The following ZFAND3 variants were observed in gnomAD, a reference collection of about 807,000 sequenced individuals.
ZFAND3 encodes zinc finger AN1-type containing 3.
Under a neutral mutation model 29.6 loss-of-function variants are expected in ZFAND3, and 10 were observed. That is an observed-to-expected ratio of 0.34 (90% CI 0.21 to 0.57). The LOEUF is 0.57. Ranked by LOEUF, ZFAND3 falls within the 20% of genes least tolerant of loss-of-function variation. The probability of loss-of-function intolerance (pLI) is 0.86; values close to 1 mark genes in which losing one functional copy is unlikely to be tolerated. For synonymous variants in ZFAND3, 128 were observed against 112.6 expected, an observed-to-expected ratio of 1.14 and a Z score of -0.87; for missense variants, 230 against 304.5, an observed-to-expected ratio of 0.76 and a Z score of 1.82.
intron 1 of ZFAND3, among the ~76,000 whole-genome samples, chr6:37,859,949 G>A (rs1242993378): frequency 2.1e-5 from 3 of 146,080 alleles, no homozygotes; most frequent in Non-Finnish European, 4.5e-5. Context: ...TCGGCTCACT[G>A]CAACCACCAC....
At chr6:38,145,770 G>T (rs1040044785) in intron 5 of ZFAND3, among the ~76,000 whole-genome samples, 25 of 152,268 alleles carry the variant, frequency 1.6e-4, no homozygotes, top group South Asian at 4.1e-4. Flanking sequence ...GGTCATTAGG[G>T]CCATAGGCCC....
chr6:37,924,741 A>G (rs1004161394), intron 1 of ZFAND3, among the ~76,000 whole-genome samples: 7 of 151,958 alleles, frequency 4.6e-5, no homozygotes, highest in East Asian at 3.9e-4. Flanking sequence ...GGATGGCTTG[A>G]GCCTAGGAGG....
intron 1 of ZFAND3, among the ~76,000 whole-genome samples, chr6:37,921,769 GGT>G (rs1222787092): frequency 6.6e-6 from 1 of 152,070 alleles, no homozygotes; most frequent in Non-Finnish European, 1.5e-5. Flanking sequence ...GTGTTGGCCA[GGT>G]GCAGTGGCTC....
intron 1 of ZFAND3, among the ~76,000 whole-genome samples, chr6:37,846,859 A>G (rs1764189076): frequency 6.6e-6 from 1 of 151,808 alleles, no homozygotes; most frequent in African/African-American, 2.4e-5. Context: ...CTACAGGCGC[A>G]TGCCACCATG....
At chr6:38,016,283 A>AAT (rs929604255) in intron 2 of ZFAND3, among the ~76,000 whole-genome samples, 1 of 152,220 alleles carries the variant, frequency 6.6e-6, no homozygotes, top group Admixed American at 6.5e-5. Context: ...ATACCCACTC[A>AAT]ATATATGATA....
At chr6:37,939,424 C>T (rs1761770196) in intron 2 of ZFAND3, among the ~76,000 whole-genome samples, 1 of 152,198 alleles carries the variant, frequency 6.6e-6, no homozygotes, top group Admixed American at 6.5e-5. Context: ...GTCATTGGCT[C>T]AGTCTTATCC....
At chr6:38,123,843 G>A (rs571181483) in intron 5 of ZFAND3, among the ~76,000 whole-genome samples, 93 of 152,210 alleles carry the variant, frequency 6.1e-4, no homozygotes, top group African/African-American at 1.6e-3. Flanking sequence ...AGACCTTCGC[G>A]GTGAGTGTTA....
intron 1 of ZFAND3, among the ~76,000 whole-genome samples, chr6:37,893,553 T>G (rs1232780804): frequency 2.0e-5 from 3 of 152,104 alleles, no homozygotes; most frequent in Non-Finnish European, 4.4e-5. Flanking sequence ...CTGTTTTTGT[T>G]TGTTTGTTTG....
intron 2 of ZFAND3, among the ~76,000 whole-genome samples, chr6:37,991,409 G>C: frequency 6.6e-6 from 1 of 151,754 alleles, no homozygotes; most frequent in Non-Finnish European, 1.5e-5. Flanking sequence ...CTGGGGTGCA[G>C]TGGTGCAATC....
chr6:37,983,915 C>T (rs1359894264), intron 2 of ZFAND3, among the ~76,000 whole-genome samples: 2 of 152,140 alleles, frequency 1.3e-5, no homozygotes, highest in East Asian at 1.9e-4. Flanking sequence ...CAAAAGATAA[C>T]CCCATTGTTC....
At position 38,152,737 on chromosome 6, in the gene ZFAND3, G is replaced by GT. The variant is rs1766257112; in HGVS notation, c.*350dup. The GT allele has an allele frequency of 5.9e-6, 6 of 1,014,376 alleles. No individual in the cohort carries two copies. The Admixed American group carries it at 2.9e-4, about 49-fold the overall frequency. 62.8% of individuals were successfully genotyped at this position (1,014,376 alleles called of 1,614,324 possible). A position where few individuals can be genotyped will look rare whatever the true frequency, so the allele number is the denominator to read the frequency against. ...AAAGTGTTCCAGACGGAGACTCTGAGTTAATAGAGGAGTAGAAGCTGGTGT... is the reference window on the plus strand; with the variant it reads ...AAAGTGTTCCAGACGGAGACTCTGAGTTTAATAGAGGAGTAGAAGCTGGTGT... On this transcript the variant is annotated 3_prime_UTR_variant, in exon 6 of 6. Transcript: ENST00000287218.
intron 4 of ZFAND3, among the ~76,000 whole-genome samples, chr6:38,114,275 G>A (rs1055026192): frequency 3.3e-5 from 5 of 152,202 alleles, no homozygotes; most frequent in African/African-American, 4.8e-5. Flanking sequence ...AAAGGACCCC[G>A]CCCGCAGAGA....
intron 1 of ZFAND3, among the ~76,000 whole-genome samples, chr6:37,895,459 CTTTTTTTTTTTTT>C (rs11331881): frequency 7.8e-5 from 6 of 76,772 alleles, no homozygotes; most frequent in African/African-American, 1.6e-4. Context: ...CTCAGAGGTT[CTTTTTTTTTTTTT>C]TTTTTTTTTT....
intron 2 of ZFAND3, among the ~76,000 whole-genome samples, chr6:37,947,562 T>C (rs1290315889): frequency 1.3e-5 from 2 of 152,176 alleles, no homozygotes; most frequent in African/African-American, 4.8e-5. Flanking sequence ...AGTCAAAATA[T>C]TACATGTAAC....
intron 2 of ZFAND3, among the ~76,000 whole-genome samples, chr6:38,056,339 A>G (rs1764134259): frequency 6.6e-6 from 1 of 152,210 alleles, no homozygotes; most frequent in Non-Finnish European, 1.5e-5. Flanking sequence ...AAAAAGAATT[A>G]ATTTGTTTTC....
chr6:38,074,415 G>C (rs912341101), intron 3 of ZFAND3, among the ~76,000 whole-genome samples: 3 of 152,136 alleles, frequency 2.0e-5, no homozygotes, highest in African/African-American at 4.8e-5. Context: ...TATCAATGAT[G>C]TAAGATACAT....
Position 38,107,377 on chromosome 6 carries a change from A to G in ZFAND3, c.362-9195A>G, listed in dbSNP as rs546215680. Among the ~76,000 whole-genome samples the G allele has an allele frequency of 2.6e-5, 4 of 152,280 alleles. No individual in the cohort carries two copies. In the South Asian group the frequency reaches 8.3e-4, roughly 32 times the overall value. ...TAAAGGAACAGCATTCTTCTCCCCAACTGCAAGGTGCAGTAGAAACTGGGT... is the reference window on the plus strand; with the variant it reads ...TAAAGGAACAGCATTCTTCTCCCCAGCTGCAAGGTGCAGTAGAAACTGGGT... On this transcript the variant is annotated intron_variant, in intron 4 of 5. Transcript: ENST00000287218.
At chr6:37,974,992 G>A (rs1269095881) in intron 2 of ZFAND3, among the ~76,000 whole-genome samples, 1 of 152,126 alleles carries the variant, frequency 6.6e-6, no homozygotes, top group Non-Finnish European at 1.5e-5. Context: ...CTTTGCTTCT[G>A]GGTAAATGCC....
At chr6:38,100,353 C>T (rs760963107) in intron 4 of ZFAND3, among the ~76,000 whole-genome samples, 3 of 152,216 alleles carry the variant, frequency 2.0e-5, no homozygotes, top group South Asian at 2.1e-4. Context: ...TGAGCCACCA[C>T]GCCCAGCTGA....
Sources: gnomAD v4.1 joint callset for allele counts (sites outside exome capture counted in the v4.1 genomes callset) on GRCh38, gnomAD v4.1.1 for gene constraint, MANE v1.5 for transcripts, NCBI Gene and HGNC (gene_info 2026-07-23, HGNC 2026-07-21) for gene names.